MACROD1: variants seen among roughly 807,000 people sequenced by gnomAD.
The protein encoded by MACROD1 is ADP-ribose glycohydrolase MACROD1.
MACROD1 carries 31 observed loss-of-function variants against 41.4 expected under a neutral mutation model. The ratio of observed to expected loss-of-function variants is 0.75; its 90% CI spans 0.56 to 1.01. The LOEUF (loss-of-function observed/expected upper bound fraction) is 1.01. Ranked by LOEUF, MACROD1 falls within the 50% of genes least tolerant of loss-of-function variation. The pLI is 0.00. For missense variants in MACROD1, 473 were observed against 460.0 expected (o/e 1.03, Z -0.26); for synonymous variants, 252 against 203.4 (o/e 1.24, Z -2.03).
chr11:64,022,772 T>C (rs1168341021), intron 3 of MACROD1, among the ~76,000 whole-genome samples: 1 of 151,918 alleles, frequency 6.6e-6, no homozygotes, highest in African/African-American at 2.4e-5. Context: ...CTGGACATTT[T>C]CCAGGCTGGG....
chr11:64,104,569 A>G (rs1020811841), intron 3 of MACROD1, among the ~76,000 whole-genome samples: 1 of 152,002 alleles, frequency 6.6e-6, no homozygotes, highest in Non-Finnish European at 1.5e-5. Flanking sequence ...GGTGGGCAGG[A>G]GCTCTGGTAA....
rs1321139658 is a variant in MACROD1, at chr11:63,998,886, G to A, written c.974-14C>T. On this transcript the variant is annotated splice_polypyrimidine_tract_variant and intron_variant, in intron 9 of 10. Coordinates refer to ENST00000255681, the MANE Select transcript of MACROD1 (RefSeq NM_014067.4). ...GGGAGCCTCAGGCTGGAAGGCAGAG[G>A]ACAGTGAGAGCCCGCCCCCAGGGTG... The A allele has an allele frequency of 2.5e-6, 4 of 1,596,322 alleles. No individual in the cohort carries two copies. The highest frequency in any genetic ancestry group is 1.3e-5 in the African/African-American group (1 of 74,650).
chr11:64,130,095 C>T (rs1371419619), intron 3 of MACROD1, among the ~76,000 whole-genome samples: 3 of 152,116 alleles, frequency 2.0e-5, no homozygotes, highest in Non-Finnish European at 4.4e-5. Context: ...ACCTACCCCA[C>T]ACCACTGCTG....
At chr11:64,151,136 A>G in intron 3 of MACROD1, 103 bp downstream of exon 3, 2 of 960,018 alleles carry the variant, frequency 2.1e-6, no homozygotes, top group Non-Finnish European at 3.2e-6. Context: ...CAGCAACCCG[A>G]GCCTCACTGG....
intron 1 of MACROD1, among the ~76,000 whole-genome samples, chr11:64,153,393 G>A (rs570925179): frequency 1.4e-4 from 22 of 152,314 alleles, no homozygotes; most frequent in Non-Finnish European, 2.5e-4. Context: ...ATGTAGAGGC[G>A]GGAGAGCAAT....
chr11:64,049,306 G>A (rs558965380), intron 3 of MACROD1, among the ~76,000 whole-genome samples: 2 of 152,328 alleles, frequency 1.3e-5, no homozygotes, highest in South Asian at 4.1e-4. Context: ...GATCCCCAAA[G>A]CCTTGGGGAT....
chr11:64,060,134 G>A (rs1943870931), intron 3 of MACROD1, among the ~76,000 whole-genome samples: 1 of 152,262 alleles, frequency 6.6e-6, no homozygotes, highest in Non-Finnish European at 1.5e-5. Flanking sequence ...TGTTTAATTA[G>A]TGTTCTGTCA....
chr11:64,151,337 T>C lies in MACROD1; in HGVS notation c.419A>G (p.Glu140Gly), dbSNP rs1479766527. The change falls in exon 3 of 11, where the codon GAG becomes GGG. Residue 140 changes from glutamate (E) to glycine (G), a missense_variant. By Grantham distance (98) the Glu-to-Gly change is moderately conservative (BLOSUM62 -2). Transcript: ENST00000255681. Reference sequence around the variant, plus strand: ...CTTGTCCTTTTTATACCTGGGCTCCTCCACCTTCACAGCCACCCCTGGAAC... The same window carrying C: ...CTTGTCCTTTTTATACCTGGGCTCCCCCACCTTCACAGCCACCCCTGGAAC... ...EMAKGVAVKV[E>G]EPRYKKDKQL... 8 of 1,613,546 alleles carry C rather than the reference T, an allele frequency of 5.0e-6. No individual in the cohort carries two copies. The highest frequency in any genetic ancestry group is 6.8e-6 in the Non-Finnish European group (8 of 1,179,892).
At chr11:63,999,155 C>T in intron 8 of MACROD1, 119 bp from the exon 9 acceptor site, 1 of 1,309,372 alleles carries the variant, frequency 7.6e-7, no homozygotes, top group Non-Finnish European at 1.0e-6. Context: ...CGGAGGCTCA[C>T]GGCTGTGTGC....
chr11:64,014,782 G>A (rs751827738), intron 4 of MACROD1, among the ~76,000 whole-genome samples: 4 of 152,222 alleles, frequency 2.6e-5, no homozygotes, highest in African/African-American at 4.8e-5. Context: ...CGTGGTGGTC[G>A]TTAACAATGG....
rs1194784159 is a variant in MACROD1 at position 63,999,022 on chromosome 11, G to T, written c.906C>A (p.Ile302=). The T allele has an allele frequency of 6.2e-7, 1 of 1,605,860 alleles. No homozygotes were observed. Among genetic ancestry groups the T allele is most frequent in the Non-Finnish European group, 8.5e-7 (1 of 1,176,992 alleles). The change falls in exon 9 of 11, where the codon ATC becomes ATA. Residue 302 remains isoleucine (I), a synonymous_variant. Transcript: ENST00000255681. ...EQHKDKVDRL[I]ICVFLEKDED... ...CGTCCTTCTCGAGGAACACGCAGAT[G>T]ATCAGCCGGTCCACCTGCGCCAGGG...
chr11:64,000,220 G>T lies in MACROD1; in HGVS notation c.664+7C>A. 5.6e-6 allele frequency: 9 copies of T among 1,602,090 alleles called. No individual in the cohort carries two copies. The highest frequency in any genetic ancestry group is 2.3e-5 in the East Asian group (1 of 44,430). Reference sequence around the variant, plus strand: ...GCCCCACAGCTGGGGGCGCGTCGGGGACTCACACTTGGCCGGGAGCCGATA... The same window carrying T: ...GCCCCACAGCTGGGGGCGCGTCGGGTACTCACACTTGGCCGGGAGCCGATA... On this transcript the variant is annotated splice_region_variant and intron_variant, in intron 5 of 10. Coordinates refer to ENST00000255681, the MANE Select transcript of MACROD1 (RefSeq NM_014067.4).
chr11:64,150,438 GC>G (rs1021248410), intron 3 of MACROD1, among the ~76,000 whole-genome samples: 4 of 152,176 alleles, frequency 2.6e-5, no homozygotes, highest in African/African-American at 9.7e-5. Flanking sequence ...GAGAGGACCT[GC>G]CCCCCATATT....
At chr11:64,029,266 CACA>C (rs2134361542) in intron 3 of MACROD1, among the ~76,000 whole-genome samples, 1 of 152,250 alleles carries the variant, frequency 6.6e-6, no homozygotes, top group African/African-American at 2.4e-5. Flanking sequence ...TAAAGCAGCT[CACA>C]CGGGCAGAGG....
At chr11:64,115,376 G>C (rs1014337544) in intron 3 of MACROD1, among the ~76,000 whole-genome samples, 2 of 151,468 alleles carry the variant, frequency 1.3e-5, no homozygotes, top group East Asian at 1.9e-4. Context: ...CAAGAAAACA[G>C]ACCACTTTTT....
intron 3 of MACROD1, among the ~76,000 whole-genome samples, chr11:64,143,182 A>C (rs1282199602): frequency 2.6e-5 from 4 of 152,006 alleles, no homozygotes; most frequent in Non-Finnish European, 5.9e-5. Context: ...GAAAGGAAAA[A>C]GGGAAAGAAA....
At chr11:64,007,076 A>G (rs1225999973) in intron 4 of MACROD1, among the ~76,000 whole-genome samples, 1 of 152,188 alleles carries the variant, frequency 6.6e-6, no homozygotes, top group Non-Finnish European at 1.5e-5. Flanking sequence ...CTCAACTCCA[A>G]CAAAGCTTTC....
chr11:64,028,423 CAGAGGGAGGAGGG>C lies in MACROD1; in HGVS notation c.518-13155_518-13143del, dbSNP rs1007556460. ...CCCTCCCAGCTTGGGCTCCACGCTG[CAGAGGGAGGAGGG>C]AGAGGGAGGAGGGAAAACGGTGGAG... On this transcript the variant is annotated intron_variant, in intron 3 of 10. Coordinates refer to ENST00000255681, the MANE Select transcript of MACROD1 (RefSeq NM_014067.4). Among the ~76,000 whole-genome samples the C allele has an allele frequency of 4.6e-5, 7 of 152,330 alleles. No individual in the cohort carries two copies. The South Asian group carries it at 6.2e-4, about 14-fold the overall frequency.
chr11:64,109,490 G>A (rs926480401), intron 3 of MACROD1, among the ~76,000 whole-genome samples: 1 of 152,304 alleles, frequency 6.6e-6, no homozygotes, highest in African/African-American at 2.4e-5. Flanking sequence ...CTTCTGGGGA[G>A]GGCTGCAGAG....
Sources: gnomAD v4.1 joint callset for allele counts (sites outside exome capture counted in the v4.1 genomes callset) on GRCh38, gnomAD v4.1.1 for gene constraint, MANE v1.5 for transcripts, NCBI Gene and HGNC (gene_info 2026-07-23, HGNC 2026-07-21) for gene names.